Variants in PIAS2 observed in about 807,000 individuals in gnomAD.
PIAS2 encodes protein inhibitor of activated STAT 2.
A neutral mutation model predicts 69.7 loss-of-function variants in PIAS2; 19 were observed. That is an observed-to-expected ratio of 0.27 (90% CI 0.19 to 0.40). The LOEUF is 0.40. PIAS2 is among the 10% of genes least tolerant of loss of function. The probability of loss-of-function intolerance (pLI) is 1.00; values close to 1 mark genes in which losing one functional copy is unlikely to be tolerated. For missense variants in PIAS2, 624 were observed against 757.0 expected, an observed-to-expected ratio of 0.82 and a Z score of 2.06; for synonymous variants, 261 against 263.2, an observed-to-expected ratio of 0.99 and a Z score of 0.08.
In PIAS2 at chr18:46,821,114, T is replaced by C. The variant is rs754451346; in HGVS notation, c.1509-42A>G. On this transcript the variant is annotated intron_variant, in intron 11 of 13. Transcript: ENST00000585916. Reference sequence around the variant, plus strand: ...GGGAAATTACAAACAATCTGGCTGTTAGTTCACAGGAGAGAAGAGCTGCAC... The same window carrying C: ...GGGAAATTACAAACAATCTGGCTGTCAGTTCACAGGAGAGAAGAGCTGCAC... 1.0e-5 allele frequency: 16 copies of C among 1,607,166 alleles called. No individual in the cohort carries two copies. In the East Asian group the frequency reaches 3.3e-4, roughly 34 times the overall value.
chr18:46,906,627 A>G (rs1452659795), intron 1 of PIAS2, among the ~76,000 whole-genome samples: 2 of 152,180 alleles, frequency 1.3e-5, no homozygotes, highest in East Asian at 3.8e-4. Flanking sequence ...AACTTTATTG[A>G]AAGATGTTGT....
At chr18:46,878,526 G>A (rs1868625940) in intron 2 of PIAS2, among the ~76,000 whole-genome samples, 1 of 152,058 alleles carries the variant, frequency 6.6e-6, no homozygotes, top group African/African-American at 2.4e-5. Context: ...ATCACCCCCT[G>A]CAAGCACTAT....
intron 3 of PIAS2, among the ~76,000 whole-genome samples, chr18:46,860,828 T>C (rs763905508): frequency 6.6e-6 from 1 of 152,070 alleles, no homozygotes; most frequent in Non-Finnish European, 1.5e-5. Flanking sequence ...AACATAAAAA[T>C]TAGCCAGGTG....
chr18:46,826,387 C>T (rs2042856289), intron 11 of PIAS2, among the ~76,000 whole-genome samples: 1 of 152,068 alleles, frequency 6.6e-6, no homozygotes, highest in Admixed American at 6.6e-5. Flanking sequence ...TTGTGGCATG[C>T]CACCAGAGAC....
chr18:46,866,716 A>T (rs1365409523), intron 2 of PIAS2, among the ~76,000 whole-genome samples: 2 of 152,186 alleles, frequency 1.3e-5, no homozygotes, highest in Non-Finnish European at 2.9e-5. Context: ...AGAACAGCAA[A>T]AAGAATGGAG....
intron 1 of PIAS2, among the ~76,000 whole-genome samples, chr18:46,908,875 G>A (rs2056938155): frequency 6.6e-6 from 1 of 152,138 alleles, no homozygotes; most frequent in South Asian, 2.1e-4. Flanking sequence ...CAGGCATGGT[G>A]GCGGGTACCT....
chr18:46,812,341 TAAA>T lies in PIAS2; in HGVS notation c.*89_*91del, dbSNP rs566576373. The stretch of plus-strand genomic sequence containing the variant: ...TGACTTTCAATAAATACCAAATTAT[TAAA>T]AAAAAAAAAAAAAGAACGTTTCCAC... On this transcript the variant is annotated 3_prime_UTR_variant, in exon 14 of 14. Coordinates refer to ENST00000585916, the MANE Select transcript of PIAS2 (RefSeq NM_004671.5). The T allele has an allele frequency of 2.5e-3, 1,454 of 575,228 alleles. No homozygotes were observed. The highest frequency in any genetic ancestry group is 3.4e-3 in the Non-Finnish European group (1,199 of 355,164). The allele number at this position is 575,228 out of a possible 1,614,324, so 35.6% of individuals were successfully genotyped here.
chr18:46,910,619 G>A (rs1466042290), intron 1 of PIAS2, among the ~76,000 whole-genome samples: 2 of 152,052 alleles, frequency 1.3e-5, no homozygotes, highest in Non-Finnish European at 2.9e-5. Flanking sequence ...ATAAATTAAA[G>A]ATAACTACTG....
intron 12 of PIAS2, among the ~76,000 whole-genome samples, chr18:46,819,588 C>T (rs999226152): frequency 2.4e-4 from 36 of 152,018 alleles, no homozygotes; most frequent in Non-Finnish European, 5.1e-4. Context: ...GTAACATAAA[C>T]TTTCACCAAC....
chr18:46,833,745 G>A (rs539902718), intron 9 of PIAS2, among the ~76,000 whole-genome samples: 15 of 152,258 alleles, frequency 9.9e-5, no homozygotes, highest in African/African-American at 2.4e-4. Flanking sequence ...AAATAGTTTC[G>A]TATTGGCCCA....
At chr18:46,918,130 T>C (rs2058211568), upstream of PIAS2, 2 of 151,678 alleles carry the variant, frequency 1.3e-5, no homozygotes, top group Non-Finnish European at 2.9e-5. Flanking sequence ...TGCTAAAAAG[T>C]CGGGGAAATC....
chr18:46,856,064 GGC>G (rs1476856594), intron 3 of PIAS2, among the ~76,000 whole-genome samples: 10 of 129,512 alleles, frequency 7.7e-5, no homozygotes, highest in African/African-American at 3.0e-4. Flanking sequence ...GGAGTGCAGT[GGC>G]GCGATCTTGG....
chr18:46,827,900 T>C, intron 11 of PIAS2, 59 bp downstream of exon 11: 1 of 1,384,762 alleles, frequency 7.2e-7, no homozygotes, highest in Non-Finnish European at 1.0e-6. Context: ...TTTATAAATC[T>C]ATCCAAGAGC....
At chr18:46,910,586 T>C (rs1348307665) in intron 1 of PIAS2, among the ~76,000 whole-genome samples, 1 of 151,882 alleles carries the variant, frequency 6.6e-6, no homozygotes, top group African/African-American at 2.4e-5. Context: ...GAAAGAAAAA[T>C]GAAAGATGAT....
At position 46,844,236 on chromosome 18, in the gene PIAS2, T is replaced by C. The variant is rs1388618031; in HGVS notation, c.968-109A>G. ...AACAAAATGTTACATATTAATGTAT[T>C]GACAACACGATCACACTCCCAATAT... On this transcript the variant is annotated intron_variant, in intron 7 of 13. Coordinates refer to ENST00000585916, the MANE Select transcript of PIAS2 (RefSeq NM_004671.5). 6.6e-6 allele frequency: 3 copies of C among 453,118 alleles called. No individual in the cohort carries two copies. In the East Asian group the frequency reaches 1.0e-4, roughly 16 times the overall value. The allele number at this position is 453,118 out of a possible 1,614,324, so 28.1% of individuals were successfully genotyped here.
chr18:46,894,447 C>T (rs536787332), intron 1 of PIAS2, among the ~76,000 whole-genome samples: 3 of 152,238 alleles, frequency 2.0e-5, no homozygotes, highest in South Asian at 4.1e-4. Flanking sequence ...TATCTTTAGT[C>T]TAATTTTTTC....
chr18:46,815,958 A>G (rs977478987), intron 12 of PIAS2: 1 of 985,272 alleles, frequency 1.0e-6, no homozygotes, highest in African/African-American at 1.7e-5. Flanking sequence ...TAATTGTCCA[A>G]TTCGATTTTA....
rs1163456530 is a variant in PIAS2 at position 46,812,603 on chromosome 18, G to A, written c.1696C>T (p.Pro566Ser). The change falls in exon 14 of 14, where the codon CCT becomes TCT. Residue 566 changes from proline (P) to serine (S), a missense_variant. Pro to Ser is a moderately conservative substitution (Grantham distance 74, BLOSUM62 -1). Transcript: ENST00000585916. Reference protein sequence around the residue: ...LIPVDPQYCPPMFLDSLTSPL... With the variant: ...LIPVDPQYCPSMFLDSLTSPL... ...GAGGTGAGACTATCCAAAAACATAG[G>A]AGGACAGTACTGCTTGAAACAAACA... The A allele has an allele frequency of 1.9e-6, 3 of 1,610,370 alleles. No individual in the cohort carries two copies. Among genetic ancestry groups the A allele is most frequent in the South Asian group, 2.2e-5 (2 of 90,892 alleles).
chr18:46,883,617 T>C (rs1162315418), intron 2 of PIAS2, among the ~76,000 whole-genome samples: 2 of 152,052 alleles, frequency 1.3e-5, no homozygotes, highest in Non-Finnish European at 2.9e-5. Context: ...GGCAGGCAGC[T>C]CTCTTGACCC....
Sources: gnomAD v4.1 joint callset for allele counts (sites outside exome capture counted in the v4.1 genomes callset) on GRCh38, gnomAD v4.1.1 for gene constraint, MANE v1.5 for transcripts, NCBI Gene and HGNC (gene_info 2026-07-23, HGNC 2026-07-21) for gene names.